The following SYMPK variants were observed in gnomAD, a reference collection of about 807,000 sequenced individuals.
SYMPK encodes symplekin scaffold protein.
A neutral mutation model predicts 136.4 loss-of-function variants in SYMPK; 49 were observed. The observed-to-expected ratio is 0.36, with a 90% CI of 0.29 to 0.46. SYMPK has a LOEUF of 0.46. Ranked by LOEUF, SYMPK falls within the 20% of genes least tolerant of loss-of-function variation. The pLI is 1.00. For missense variants in SYMPK, 1,365 were observed against 1,690.0 expected, an observed-to-expected ratio of 0.81 and a Z score of 3.37; for synonymous variants, 766 against 713.0, an observed-to-expected ratio of 1.07 and a Z score of -1.19.
At chr19:45,832,233 C>G (rs1600506947) in intron 11 of SYMPK, among the ~76,000 whole-genome samples, 1 of 152,172 alleles carries the variant, frequency 6.6e-6, no homozygotes, top group Non-Finnish European at 1.5e-5. Flanking sequence ...CCTCCACCTC[C>G]TGGGTCCAAG....
chr19:45,827,803 G>A (rs752143874), intron 15 of SYMPK, 34 bp downstream of exon 15: 3 of 1,608,642 alleles, frequency 1.9e-6, no homozygotes, highest in South Asian at 1.1e-5. Context: ...CCTGTCCCCT[G>A]CCCCGGGCTG....
chr19:45,816,768 GA>G (rs1186475513), intron 24 of SYMPK, 29 bp downstream of exon 24: 1 of 1,503,686 alleles, frequency 6.7e-7, no homozygotes, highest in Non-Finnish European at 8.9e-7. Flanking sequence ...TGGGTGGGGG[GA>G]AAGGGTACCT....
At chr19:45,815,740 G>A (rs758981242) in intron 26 of SYMPK, 43 bp from the exon 27 acceptor site, 2 of 1,601,194 alleles carry the variant, frequency 1.2e-6, no homozygotes, top group Non-Finnish European at 1.7e-6. Context: ...GGAGGGCGCG[G>A]TCACCTCCAC....
Position 45,838,492 on chromosome 19 carries a change from G to A in SYMPK, c.1211C>T (p.Pro404Leu). Residue 404 changes from proline (P) to leucine (L), a missense_variant, in exon 10 of 27, where the codon CCT becomes CTT. This residue lies in a region of SYMPK where 111 missense variants were observed against 141.2 expected (regional missense o/e 0.79). Transcript: ENST00000245934. ...AGCCACATTATCAGGCGTCAGCAGAGGCTGCAGGAACTCAGCTGTGATGTC... is the reference window on the plus strand; with the variant it reads ...AGCCACATTATCAGGCGTCAGCAGAAGCTGCAGGAACTCAGCTGTGATGTC... ...DTDITAEFLQ[P>L]LLTPDNVANL... 1 of 1,614,028 alleles carries A rather than the reference G, an allele frequency of 6.2e-7. No individual in the cohort carries two copies. The highest frequency in any genetic ancestry group is 8.5e-7 in the Non-Finnish European group (1 of 1,179,932).
At chr19:45,853,521 T>G (rs1431094061) in intron 3 of SYMPK, among the ~76,000 whole-genome samples, 3 of 151,086 alleles carry the variant, frequency 2.0e-5, no homozygotes, top group Non-Finnish European at 4.4e-5. Flanking sequence ...GCCTGTAATC[T>G]CAGCTACTCA....
rs1372742123 is a variant in SYMPK at position 45,815,537 on chromosome 19, C to T, written c.*23G>A. The T allele has an allele frequency of 6.7e-7, 1 of 1,497,214 alleles. No homozygotes were observed. Among genetic ancestry groups the T allele is most frequent in the Non-Finnish European group, 8.9e-7 (1 of 1,121,432 alleles). The allele number at this position is 1,497,214 out of a possible 1,614,324, so 92.7% of individuals were successfully genotyped here. A position where few individuals can be genotyped will look rare whatever the true frequency, so the allele number is the denominator to read the frequency against. On this transcript the variant is annotated 3_prime_UTR_variant, in exon 27 of 27. Transcript: ENST00000245934. Reference sequence around the variant, plus strand: ...CCCCCAGCCCCGAGTCCCTGTCCCACCCCCTTTCCCCCTCGAGCCCCGTCA... The same window carrying T: ...CCCCCAGCCCCGAGTCCCTGTCCCATCCCCTTTCCCCCTCGAGCCCCGTCA...
intron 13 of SYMPK, among the ~76,000 whole-genome samples, chr19:45,829,704 G>A (rs1211478343): frequency 6.6e-6 from 1 of 152,214 alleles, no homozygotes; most frequent in African/African-American, 2.4e-5. Flanking sequence ...AATCAGGACA[G>A]AGAACCAGGT....
chr19:45,844,979 A>T (rs1474822510), intron 7 of SYMPK, among the ~76,000 whole-genome samples: 1 of 152,244 alleles, frequency 6.6e-6, no homozygotes, highest in Non-Finnish European at 1.5e-5. Flanking sequence ...AATTATCACC[A>T]TCAGGGTAAA....
chr19:45,816,437 G>C lies in SYMPK; in HGVS notation c.3354+45C>G, dbSNP rs773780219. The C allele has an allele frequency of 2.5e-6, 4 of 1,582,160 alleles. No homozygotes were observed. In the African/African-American group the frequency reaches 5.4e-5, roughly 21 times the overall value. ...TGAGCCTTGCTGGCTTGGGGTAGGG[G>C]GTGGGAGTCTGGGGATCCAGATGGG... On this transcript the variant is annotated intron_variant, in intron 25 of 26. Transcript: ENST00000245934.
At position 45,844,010 on chromosome 19, in the gene SYMPK, G is replaced by T. The variant is rs757328903; in HGVS notation, c.847+20C>A. 20 of 1,464,884 alleles carry T rather than the reference G, an allele frequency of 1.4e-5. No homozygotes were observed. Among genetic ancestry groups the T allele is most frequent in the Non-Finnish European group, 1.7e-5 (19 of 1,100,016 alleles). 90.7% of individuals were successfully genotyped at this position (1,464,884 alleles called of 1,614,324 possible). A position where few individuals can be genotyped will look rare whatever the true frequency, so the allele number is the denominator to read the frequency against. ...GCCAGTGAAGAGAAGGCAGGGGGAG[G>T]GGGGAGGACAATGACCTACCATGCA... is the stretch of plus-strand genomic sequence containing the variant. On this transcript the variant is annotated intron_variant, in intron 8 of 26. Transcript: ENST00000245934.
At position 45,848,648 on chromosome 19, in the gene SYMPK, C is replaced by T. The variant is rs140428627; in HGVS notation, c.426+102G>A. The stretch of plus-strand genomic sequence containing the variant: ...CCCACAGACCAGTGGCACATCTTGC[C>T]CATAAAGAGTATGCTCGGATGCTGG... On this transcript the variant is annotated intron_variant, in intron 6 of 26. Coordinates refer to ENST00000245934, the MANE Select transcript of SYMPK (RefSeq NM_004819.3). 3.8e-4 allele frequency: 571 copies of T among 1,510,806 alleles called. 8 individuals are homozygous for T. In the East Asian group the frequency reaches 0.012, roughly 32 times the overall value. The allele number at this position is 1,510,806 out of a possible 1,614,324, so 93.6% of individuals were successfully genotyped here.
intron 21 of SYMPK, among the ~76,000 whole-genome samples, chr19:45,822,099 G>A (rs894081240): frequency 6.8e-6 from 1 of 147,506 alleles, no homozygotes; most frequent in Non-Finnish European, 1.5e-5. Context: ...GTTTTTCTAA[G>A]TTGAAAGTTT....
Position 45,815,891 on chromosome 19 carries a change from G to C in SYMPK, c.3647C>G (p.Ala1216Gly). ...SMDDDSGLTE[A>G]ALLDSSLEGP... ...CTCGAGACTAGAGTCCAACAGCGCGGCCTCGGTCAGCCCCGAGTCGTCATC... is the reference window on the plus strand; with the variant it reads ...CTCGAGACTAGAGTCCAACAGCGCGCCCTCGGTCAGCCCCGAGTCGTCATC... Residue 1216 changes from alanine to glycine, a missense_variant, in exon 26 of 27, where the codon GCC becomes GGC. Transcript: ENST00000245934. 6.2e-7 allele frequency: 1 copy of C among 1,611,758 alleles called. No individual in the cohort carries two copies.
intron 12 of SYMPK, 160 bp from the exon 13 acceptor site, chr19:45,830,364 G>T: frequency 1.2e-6 from 1 of 835,518 alleles, no homozygotes; most frequent in Non-Finnish European, 1.8e-6. Context: ...CGGTGTGGCG[G>T]TGGGTAAGAG....
chr19:45,816,813 G>C lies in SYMPK; in HGVS notation c.3243C>G (p.Ser1081=), dbSNP rs887902199. The change falls in exon 24 of 27, where the codon TCC becomes TCG. Residue 1081 remains serine (S), a synonymous_variant. Transcript: ENST00000245934. ...GAAGGGGTACCTGGTGGGGGGTGAA[G>C]GAGCGGACATGGGCCAGCAGGGGCT... ...LREPLLAHVR[S]FTPHQQAHIP... is the part of the protein sequence containing the mutation. 1 of 1,537,598 alleles carries C rather than the reference G, an allele frequency of 6.5e-7. No homozygotes were observed. The highest frequency in any genetic ancestry group is 8.8e-7 in the Non-Finnish European group (1 of 1,141,224).
At position 45,827,637 on chromosome 19, in the gene SYMPK, A is replaced by G; in HGVS notation, c.2068-14T>C. Reference sequence around the variant, plus strand: ...ATAGGTGCGACTCTGCAGCAAAAGGAAAGGGACCCGAGCTCAGCCCACCTG... The same window carrying G: ...ATAGGTGCGACTCTGCAGCAAAAGGGAAGGGACCCGAGCTCAGCCCACCTG... On this transcript the variant is annotated splice_polypyrimidine_tract_variant and intron_variant, in intron 15 of 26. Coordinates refer to ENST00000245934, the MANE Select transcript of SYMPK (RefSeq NM_004819.3). 6.2e-7 allele frequency: 1 copy of G among 1,610,492 alleles called. No individual in the cohort carries two copies. The highest frequency in any genetic ancestry group is 8.5e-7 in the Non-Finnish European group (1 of 1,176,692).
intron 10 of SYMPK, among the ~76,000 whole-genome samples, chr19:45,837,365 C>T (rs910054358): frequency 6.6e-6 from 1 of 152,022 alleles, no homozygotes; most frequent in African/African-American, 2.4e-5. Flanking sequence ...TGCCTGTAAT[C>T]CCAGCACTTT....
At chr19:45,860,071 G>A (rs1448845957) in intron 1 of SYMPK, among the ~76,000 whole-genome samples, 2 of 150,098 alleles carry the variant, frequency 1.3e-5, no homozygotes, top group African/African-American at 4.9e-5. Context: ...AGTGAAGTAT[G>A]ATTGGGCCAC....
At chr19:45,830,016 G>A in intron 13 of SYMPK, 38 bp downstream of exon 13, 1 of 1,526,612 alleles carries the variant, frequency 6.6e-7, no homozygotes, top group South Asian at 1.2e-5. Flanking sequence ...TTGGGTAGAG[G>A]GACTGGAAGG....
Sources: allele counts gnomAD v4.1 joint callset (sites outside exome capture counted in the v4.1 genomes callset), GRCh38; gene constraint gnomAD v4.1.1; regional missense constraint gnomAD v4.1.1; transcripts MANE v1.5; gene names NCBI Gene and HGNC (gene_info 2026-07-23, HGNC 2026-07-21).